The following SPATA16 variants were observed in gnomAD, a reference collection of about 807,000 sequenced individuals.
The protein encoded by SPATA16 is spermatogenesis associated 16, also known as spermatogenesis-associated protein 16.
SPATA16 carries 36 observed loss-of-function variants against 63.3 expected under a neutral mutation model. The observed-to-expected ratio is 0.57, with a 90% CI of 0.44 to 0.75. SPATA16 has a LOEUF of 0.75. Among genes scored for constraint, SPATA16 ranks in the 30% least tolerant of loss-of-function variants. SPATA16 has a pLI of 0.00. For missense variants in SPATA16, 646 were observed against 679.3 expected, an observed-to-expected ratio of 0.95 and a Z score of 0.54; for synonymous variants, 203 against 216.7, an observed-to-expected ratio of 0.94 and a Z score of 0.56.
intron 3 of SPATA16, among the ~76,000 whole-genome samples, chr3:173,037,036 C>A (rs752025715): frequency 6.6e-6 from 1 of 151,644 alleles, no homozygotes; most frequent in African/African-American, 2.4e-5. Context: ...AATGTAACGA[C>A]GTTAAAATAT....
At chr3:173,044,857 C>T (rs1420906445) in intron 3 of SPATA16, among the ~76,000 whole-genome samples, 1 of 151,946 alleles carries the variant, frequency 6.6e-6, no homozygotes, top group Non-Finnish European at 1.5e-5. Context: ...TTTGTTAAGA[C>T]AGGTCTATTT....
intron 2 of SPATA16, among the ~76,000 whole-genome samples, chr3:173,112,197 A>G (rs926214151): frequency 6.6e-6 from 1 of 152,222 alleles, no homozygotes; most frequent in African/African-American, 2.4e-5. Context: ...TGTTATAGAA[A>G]CACCTGCTTA....
intron 2 of SPATA16, among the ~76,000 whole-genome samples, chr3:173,062,717 C>T (rs1042676904): frequency 1.3e-5 from 2 of 152,154 alleles, no homozygotes; most frequent in Non-Finnish European, 2.9e-5. Flanking sequence ...AATATTAGAG[C>T]AGTGGTTCCC....
At chr3:173,019,837 G>A (rs1410287897) in intron 3 of SPATA16, among the ~76,000 whole-genome samples, 1 of 152,074 alleles carries the variant, frequency 6.6e-6, no homozygotes, top group Non-Finnish European at 1.5e-5. Context: ...CAATGGCAAA[G>A]AATTTGAATT....
chr3:172,889,612 T>A lies in SPATA16; in HGVS notation c.1668A>T (p.Gln556His). 4 of 1,613,908 alleles carry A rather than the reference T, an allele frequency of 2.5e-6. No homozygotes were observed. Among genetic ancestry groups the A allele is most frequent in the Non-Finnish European group, 2.5e-6 (3 of 1,179,884 alleles). Reference sequence around the variant, plus strand: ...TTTGAAGTCGCTTCATTTTTGTTTTTTGCCTTCGAGCAGTTCTCAGTTTTT... The same window carrying A: ...TTTGAAGTCGCTTCATTTTTGTTTTATGCCTTCGAGCAGTTCTCAGTTTTT... ...KTKKLRTARRQKTKMKRLQTV... is the reference protein window; with the variant it reads ...KTKKLRTARRHKTKMKRLQTV... Residue 556 changes from glutamine to histidine, a missense_variant, in exon 11 of 11, where the codon CAA (glutamine) becomes CAT (histidine). Gln to His is a conservative substitution (Grantham distance 24, BLOSUM62 0). Transcript: ENST00000351008.
At chr3:173,086,490 C>A (rs1407244637) in intron 2 of SPATA16, among the ~76,000 whole-genome samples, 1 of 152,068 alleles carries the variant, frequency 6.6e-6, no homozygotes, top group Non-Finnish European at 1.5e-5. Context: ...AAAGCCACCT[C>A]CTGGATTCAT....
At chr3:172,996,017 T>C (rs1186007549) in intron 4 of SPATA16, among the ~76,000 whole-genome samples, 1 of 152,128 alleles carries the variant, frequency 6.6e-6, no homozygotes, top group Non-Finnish European at 1.5e-5. Context: ...AACCTTAGTC[T>C]CTCCAATCTT....
intron 6 of SPATA16, among the ~76,000 whole-genome samples, chr3:172,942,216 A>G (rs916464795): frequency 1.3e-5 from 2 of 152,288 alleles, no homozygotes; most frequent in South Asian, 2.1e-4. Context: ...GAAAAACTCA[A>G]TCAATCAACT....
rs1472623156 is a variant in SPATA16 at position 172,956,780 on chromosome 3, A to T, written c.978T>A (p.Val326=). 6.2e-7 allele frequency: 1 copy of T among 1,613,358 alleles called. No homozygotes were observed. The highest frequency in any genetic ancestry group is 8.5e-7 in the Non-Finnish European group (1 of 1,179,610). The change falls in exon 6 of 11, where the codon GTT becomes GTA. Residue 326 remains valine (V), a synonymous_variant. Coordinates refer to ENST00000351008, the MANE Select transcript of SPATA16 (RefSeq NM_031955.6). ...TTTTTGTCGCAAATGGTGTGTACAT[A>T]ACCGAGAAAGATTCAGCTCTGGTGA... ...EAITRAESFS[V]MYTPFATKIR...
At chr3:173,043,753 A>G (rs1226110734) in intron 3 of SPATA16, among the ~76,000 whole-genome samples, 1 of 152,022 alleles carries the variant, frequency 6.6e-6, no homozygotes, top group Non-Finnish European at 1.5e-5. Context: ...GCCATTTCCT[A>G]CAAGTTTCAA....
chr3:173,039,856 G>GA (rs992560634), intron 3 of SPATA16, among the ~76,000 whole-genome samples: 4 of 152,022 alleles, frequency 2.6e-5, no homozygotes, highest in Admixed American at 1.3e-4. Flanking sequence ...GCTCTGTTAT[G>GA]AAAAAATGAT....
At chr3:173,029,851 T>C (rs1005370484) in intron 3 of SPATA16, among the ~76,000 whole-genome samples, 1 of 152,076 alleles carries the variant, frequency 6.6e-6, no homozygotes, top group Non-Finnish European at 1.5e-5. Context: ...GATCATGGTT[T>C]ACTGCAGCCT....
At chr3:173,092,252 A>C (rs949697223) in intron 2 of SPATA16, among the ~76,000 whole-genome samples, 2 of 152,196 alleles carry the variant, frequency 1.3e-5, no homozygotes, top group African/African-American at 2.4e-5. Context: ...AAGTCAAGTA[A>C]TATCTCATAG....
chr3:173,039,049 A>G (rs1276596391), intron 3 of SPATA16, among the ~76,000 whole-genome samples: 2 of 152,116 alleles, frequency 1.3e-5, no homozygotes, highest in Non-Finnish European at 2.9e-5. Flanking sequence ...GGAATCTTAC[A>G]ACTTCTCTCT....
In SPATA16 at chr3:172,966,567, G is replaced by C. The variant is rs938691437; in HGVS notation, c.934-9743C>G. ...AACGAAATCATGCCACATGTTAAAG[G>C]CTGACATTTGAAATGCCAAGGTCTC... is the stretch of plus-strand genomic sequence containing the variant. On this transcript the variant is annotated intron_variant, in intron 5 of 10. Transcript: ENST00000351008. Among the ~76,000 whole-genome samples the C allele has an allele frequency of 1.4e-4, 22 of 152,054 alleles. 1 individual carries two copies. The highest frequency in any genetic ancestry group is 9.2e-4 in the Admixed American group (14 of 15,260).
intron 6 of SPATA16, among the ~76,000 whole-genome samples, chr3:172,933,146 T>G (rs1732907247): frequency 6.6e-6 from 1 of 152,196 alleles, no homozygotes; most frequent in African/African-American, 2.4e-5. Context: ...ATACAAACAT[T>G]AAAGATATTA....
chr3:172,908,809 C>T (rs1173219227), intron 10 of SPATA16, among the ~76,000 whole-genome samples: 2 of 151,880 alleles, frequency 1.3e-5, no homozygotes, highest in African/African-American at 4.8e-5. Context: ...CTACTGGGCT[C>T]AGAACACAGT....
chr3:173,008,279 G>C (rs1203054881), intron 4 of SPATA16, among the ~76,000 whole-genome samples: 3 of 152,026 alleles, frequency 2.0e-5, no homozygotes, highest in Non-Finnish European at 2.9e-5. Context: ...ACAAAAATTT[G>C]TTTATTTTAA....
intron 10 of SPATA16, among the ~76,000 whole-genome samples, chr3:172,894,554 T>C (rs2109540372): frequency 6.6e-6 from 1 of 152,032 alleles, no homozygotes; most frequent in South Asian, 2.1e-4. Flanking sequence ...GATAACACTT[T>C]TCAGTATATT....
Sources: gnomAD v4.1 joint callset for allele counts (sites outside exome capture counted in the v4.1 genomes callset) on GRCh38, gnomAD v4.1.1 for gene constraint, MANE v1.5 for transcripts, NCBI Gene and HGNC (gene_info 2026-07-23, HGNC 2026-07-21) for gene names.